Variants in AOX1 observed in about 807,000 individuals in gnomAD.
The protein encoded by AOX1 is aldehyde oxidase 1, also known as aldehyde oxidase.
A neutral mutation model predicts 169.5 loss-of-function variants in AOX1; 153 were observed. The ratio of observed to expected loss-of-function variants is 0.90; its 90% CI spans 0.79 to 1.03. AOX1 has a LOEUF of 1.03. Among genes scored for constraint, AOX1 ranks in the 50% least tolerant of loss-of-function variants. AOX1 has a pLI of 0.00. For missense variants in AOX1, 1,656 were observed against 1,663.9 expected, an observed-to-expected ratio of 1.00 and a Z score of 0.08; for synonymous variants, 562 against 581.9, an observed-to-expected ratio of 0.97 and a Z score of 0.49.
intron 1 of AOX1, among the ~76,000 whole-genome samples, chr2:200,588,726 C>CTTTTTTTTTTTTGTTTTTTT (rs2034097076): frequency 1.9e-5 from 1 of 53,984 alleles, no homozygotes; most frequent in Non-Finnish European, 3.9e-5. Flanking sequence ...CTAGAATAAG[C>CTTTTTTTTTTTTGTTTTTTT]TTTTTTTTTT....
At chr2:200,674,482 A>T (rs990712838), downstream of AOX1, among the ~76,000 whole-genome samples, 1 of 152,210 alleles carries the variant, frequency 6.6e-6, no homozygotes, top group Non-Finnish European at 1.5e-5. Flanking sequence ...GAATGGGCAT[A>T]TGGAAGTGGC....
At chr2:200,670,401 G>A (rs904831778) in intron 34 of AOX1, among the ~76,000 whole-genome samples, 4 of 152,168 alleles carry the variant, frequency 2.6e-5, no homozygotes, top group Non-Finnish European at 5.9e-5. Context: ...TGGAGAAACA[G>A]AGACCCACTC....
chr2:200,627,308 A>G, intron 19 of AOX1, 45 bp from the exon 20 acceptor site: 1 of 1,338,968 alleles, frequency 7.5e-7, no homozygotes, highest in Non-Finnish European at 1.1e-6. Flanking sequence ...GCCCTAGGGC[A>G]GGGTCTCTTG....
At chr2:200,586,857 A>G (rs990416323) in intron 1 of AOX1, among the ~76,000 whole-genome samples, 4 of 152,202 alleles carry the variant, frequency 2.6e-5, no homozygotes, top group Non-Finnish European at 5.9e-5. Flanking sequence ...GTTTGGGAGA[A>G]GCAAAGCCCC....
At chr2:200,664,364 A>G (rs12472360) in intron 31 of AOX1, among the ~76,000 whole-genome samples, 70,447 of 152,132 alleles carry the variant, frequency 0.46, 17,065 homozygotes, top group East Asian at 0.8. Flanking sequence ...CCTTCAAGTG[A>G]TCCACCCACC....
At chr2:200,663,768 C>T (rs1378191967) in intron 31 of AOX1, among the ~76,000 whole-genome samples, 2 of 151,990 alleles carry the variant, frequency 1.3e-5, no homozygotes, top group Non-Finnish European at 2.9e-5. Flanking sequence ...ACCAAGCTAC[C>T]AGTTTAGTGA....
intron 23 of AOX1, among the ~76,000 whole-genome samples, chr2:200,639,161 A>G (rs2035301379): frequency 6.6e-6 from 1 of 152,234 alleles, no homozygotes; most frequent in Non-Finnish European, 1.5e-5. Context: ...CATATTGGAC[A>G]GTGCAGACGC....
intron 21 of AOX1, among the ~76,000 whole-genome samples, chr2:200,635,792 G>T (rs1045633518): frequency 1.3e-5 from 2 of 152,164 alleles, no homozygotes; most frequent in Admixed American, 6.5e-5. Flanking sequence ...TAAGGGAAAT[G>T]AGGCAGGGGG....
intron 26 of AOX1, among the ~76,000 whole-genome samples, chr2:200,655,082 C>G (rs957895695): frequency 6.6e-6 from 1 of 152,222 alleles, no homozygotes; most frequent in South Asian, 2.1e-4. Flanking sequence ...TACATGCACA[C>G]TTTGCGAGCC....
chr2:200,659,410 G>A (rs1168661578), intron 28 of AOX1, 117 bp downstream of exon 28: 2 of 1,193,480 alleles, frequency 1.7e-6, no homozygotes, highest in Middle Eastern at 2.9e-4. Flanking sequence ...TCCCCATCTT[G>A]CCCTCAGTCA....
At chr2:200,587,731 T>A (rs2034069199) in intron 1 of AOX1, among the ~76,000 whole-genome samples, 1 of 152,208 alleles carries the variant, frequency 6.6e-6, no homozygotes, top group African/African-American at 2.4e-5. Context: ...TATGTCATTT[T>A]TTTCTTCTTT....
chr2:200,641,857 A>G (rs1487004334), intron 24 of AOX1, among the ~76,000 whole-genome samples: 1 of 152,000 alleles, frequency 6.6e-6, no homozygotes, highest in Non-Finnish European at 1.5e-5. Flanking sequence ...AAATGTTTCA[A>G]CCAGGCCAGA....
intron 24 of AOX1, 77 bp from the exon 25 acceptor site, chr2:200,642,533 C>A: frequency 7.8e-7 from 1 of 1,286,500 alleles, no homozygotes; most frequent in Non-Finnish European, 1.1e-6. Flanking sequence ...CATTTTCGGC[C>A]TGGTTTTGGT....
At chr2:200,657,165 A>ATATATAT (rs2035706456) in intron 27 of AOX1, among the ~76,000 whole-genome samples, 4 of 88,366 alleles carry the variant, frequency 4.5e-5, no homozygotes, top group African/African-American at 2.1e-4. Flanking sequence ...CTCTACCAAA[A>ATATATAT]ATATATATAT....
chr2:200,636,894 A>G lies in AOX1; in HGVS notation c.2347-17A>G, dbSNP rs755849567. The G allele has an allele frequency of 1.2e-6, 2 of 1,611,706 alleles. No homozygotes were observed. The highest frequency in any genetic ancestry group is 1.7e-6 in the Non-Finnish European group (2 of 1,179,010). ...CTGAAGATGGATCAGATTAATCAGA[A>G]CTATTATTGTTCACAGGACATTGTT... On this transcript the variant is annotated splice_polypyrimidine_tract_variant and intron_variant, in intron 21 of 34. Transcript: ENST00000374700.
chr2:200,624,616 C>T (rs1183841905), intron 19 of AOX1, among the ~76,000 whole-genome samples: 2 of 152,144 alleles, frequency 1.3e-5, no homozygotes, highest in Admixed American at 6.5e-5. Flanking sequence ...GTGTCAGAGA[C>T]ACGATTTTTA....
chr2:200,653,553 A>G (rs2035622081), intron 26 of AOX1, among the ~76,000 whole-genome samples: 2 of 152,242 alleles, frequency 1.3e-5, no homozygotes, highest in Non-Finnish European at 2.9e-5. Flanking sequence ...CATCCAGCCA[A>G]TAAATGGCAG....
intron 15 of AOX1, among the ~76,000 whole-genome samples, chr2:200,615,599 G>A (rs571440179): frequency 9.2e-5 from 14 of 152,232 alleles, no homozygotes; most frequent in African/African-American, 3.4e-4. Context: ...TGTTTTCCTG[G>A]CTTAAGTATT....
chr2:200,625,116 A>T (rs1233503611), intron 19 of AOX1, among the ~76,000 whole-genome samples: 1 of 152,192 alleles, frequency 6.6e-6, no homozygotes, highest in Non-Finnish European at 1.5e-5. Flanking sequence ...ACAAAAACGT[A>T]GAAGTCTAAT....
Sources: allele counts gnomAD v4.1 joint callset (sites outside exome capture counted in the v4.1 genomes callset), GRCh38; gene constraint gnomAD v4.1.1; transcripts MANE v1.5; gene names NCBI Gene and HGNC (gene_info 2026-07-23, HGNC 2026-07-21).